MED12L: variants seen among roughly 807,000 people sequenced by gnomAD.
The protein encoded by MED12L is mediator of RNA polymerase II transcription subunit 12-like protein.
In MED12L, 60 loss-of-function variants were observed where a neutral mutation model predicts 281.3. That is an observed-to-expected ratio of 0.21 (90% CI 0.17 to 0.26). MED12L has a LOEUF of 0.26. MED12L is among the 10% of genes least tolerant of loss of function. The pLI is 1.00. For synonymous variants in MED12L, 974 were observed against 987.2 expected (o/e 0.99, Z 0.25); for missense variants, 2,146 against 2,680.9 (o/e 0.80, Z 4.41).
chr3:151,369,311 A>G, intron 25 of MED12L, 125 bp from the exon 26 acceptor site: 6 of 560,762 alleles, frequency 1.1e-5, no homozygotes, highest in South Asian at 2.9e-5. Context: ...TGAAGCATCA[A>G]TTAAAGCAAG....
intron 43 of MED12L, among the ~76,000 whole-genome samples, chr3:151,417,487 C>CTTTTTT (rs56128844): frequency 3.8e-5 from 3 of 78,816 alleles, no homozygotes; most frequent in African/African-American, 1.5e-4. Flanking sequence ...CCCCCCCCGC[C>CTTTTTT]TTTTTTTTTT....
At chr3:151,317,893 A>G (rs939719747) in intron 16 of MED12L, among the ~76,000 whole-genome samples, 4 of 150,682 alleles carry the variant, frequency 2.7e-5, no homozygotes, top group East Asian at 3.8e-4. Flanking sequence ...GTGGATGAAG[A>G]TAAATGAAAA....
At chr3:151,389,926 T>G in intron 37 of MED12L, 53 bp from the exon 38 acceptor site, 3 of 1,575,008 alleles carry the variant, frequency 1.9e-6, no homozygotes, top group Non-Finnish European at 2.6e-6. Flanking sequence ...TTGCATTAAT[T>G]AGCTGTGTGA....
chr3:151,152,903 C>T (rs1718746713), intron 5 of MED12L, among the ~76,000 whole-genome samples: 1 of 152,204 alleles, frequency 6.6e-6, no homozygotes, highest in South Asian at 2.1e-4. Context: ...TTGGTGTGCT[C>T]TGTATTTGCC....
Position 151,320,858 on chromosome 3 carries a change from T to G in MED12L, c.2251-29201T>G, listed in dbSNP as rs111958274. On this transcript the variant is annotated intron_variant, in intron 16 of 44. Coordinates refer to ENST00000687756, the MANE Select transcript of MED12L (RefSeq NM_001393769.1). ...GTCAGGTAAACTCCAATTTGGAACA[T>G]CTCCACTTAGCAGCTTTTTTTACTT... is the stretch of plus-strand genomic sequence containing the variant. 6.8e-3 allele frequency among the ~76,000 whole-genome samples: 1,042 copies of G among 152,300 alleles called. 10 individuals carry two copies. The highest frequency in any genetic ancestry group is 0.024 in the South Asian group (115 of 4,828).
At chr3:151,215,977 C>G (rs1252523793) in intron 16 of MED12L, among the ~76,000 whole-genome samples, 1 of 152,194 alleles carries the variant, frequency 6.6e-6, no homozygotes, top group Non-Finnish European at 1.5e-5. Flanking sequence ...AAGGCCTCAG[C>G]TTAGCTGTCA....
intron 16 of MED12L, among the ~76,000 whole-genome samples, chr3:151,283,927 C>T (rs893007764): frequency 1.3e-5 from 2 of 152,134 alleles, no homozygotes; most frequent in East Asian, 1.9e-4. Context: ...CAACTTAGGA[C>T]AGGTAACTAA....
chr3:151,126,150 G>A (rs372128005), intron 4 of MED12L, among the ~76,000 whole-genome samples: 424 of 150,774 alleles, frequency 2.8e-3, no homozygotes, highest in African/African-American at 9.8e-3. Context: ...CCAGGCTCAA[G>A]CAATTCTCCC....
intron 16 of MED12L, among the ~76,000 whole-genome samples, chr3:151,237,354 T>TTC (rs1029060868): frequency 7.8e-6 from 1 of 128,676 alleles, no homozygotes; most frequent in African/African-American, 3.3e-5. Flanking sequence ...TTTTTTCTTT[T>TTC]TTTTTTTTTT....
chr3:151,145,891 C>T (rs1179146082), intron 5 of MED12L, among the ~76,000 whole-genome samples: 1 of 152,212 alleles, frequency 6.6e-6, no homozygotes, highest in Admixed American at 6.5e-5. Flanking sequence ...AAAGGTGTCG[C>T]ACCTGCCTCT....
At chr3:151,358,029 G>T (rs1310394905) in intron 20 of MED12L, among the ~76,000 whole-genome samples, 3 of 152,092 alleles carry the variant, frequency 2.0e-5, no homozygotes, top group African/African-American at 7.2e-5. Flanking sequence ...AACACAGAAA[G>T]ACAACCTGTT....
At position 151,242,825 on chromosome 3, in the gene MED12L, G is replaced by A. The variant is rs577295427; in HGVS notation, c.2250+49159G>A. Among the ~76,000 whole-genome samples the A allele has an allele frequency of 5.3e-3, 795 of 151,118 alleles. 11 individuals are homozygous for A. The highest frequency in any genetic ancestry group is 0.018 in the African/African-American group (726 of 41,190). On this transcript the variant is annotated intron_variant, in intron 16 of 44. Coordinates refer to ENST00000687756, the MANE Select transcript of MED12L (RefSeq NM_001393769.1). ...AGACGATCAAATTACTCTGAGCTAC[G>A]GGAGGACATTCAAACCAAAGGCAAA...
intron 11 of MED12L, among the ~76,000 whole-genome samples, chr3:151,168,611 T>C (rs1721015125): frequency 6.6e-6 from 1 of 152,216 alleles, no homozygotes; most frequent in African/African-American, 2.4e-5. Context: ...GAAAACTACG[T>C]TTTCAACCCA....
chr3:151,323,896 T>TA (rs1749278629), intron 16 of MED12L, among the ~76,000 whole-genome samples: 1 of 152,234 alleles, frequency 6.6e-6, no homozygotes, highest in Non-Finnish European at 1.5e-5. Flanking sequence ...TAGGTGCCAC[T>TA]ATTGCACCAT....
At position 151,436,488 on chromosome 3, in the gene MED12L, GT is replaced by G; in HGVS notation, c.*3687del. ...AAAATAAAAGTGCCTTAAGTTAAAA[GT>G]TTGTTTTGAGATCCATTAAATAAAT... is the stretch of plus-strand genomic sequence containing the variant. On this transcript the variant is annotated 3_prime_UTR_variant, in exon 45 of 45. Coordinates refer to ENST00000687756, the MANE Select transcript of MED12L (RefSeq NM_001393769.1). 2.2e-6 allele frequency: 1 copy of G among 450,020 alleles called. No individual in the cohort carries two copies. The highest frequency in any genetic ancestry group is 3.5e-5 in the East Asian group (1 of 28,406). The allele number at this position is 450,020 out of a possible 1,614,324, so 27.9% of individuals were successfully genotyped here.
rs753331828 is a variant in MED12L at position 151,409,271 on chromosome 3, T to C, written c.5849T>C (p.Phe1950Ser). Residue 1950 changes from phenylalanine (F) to serine (S), a missense_variant, in exon 40 of 45, where the codon TTT becomes TCT. Phe to Ser is a radical substitution (Grantham distance 155). Coordinates refer to ENST00000687756, the MANE Select transcript of MED12L (RefSeq NM_001393769.1). ...CAGCCGGGGGACCAGGCTGCTCTCT[T>C]TGCTGCGCAAGCACGGCCCTCCCCT... Reference protein sequence around the residue: ...QGQPGDQAALFAAQARPSPQL... With the variant: ...QGQPGDQAALSAAQARPSPQL... 2 of 1,610,854 alleles carry C rather than the reference T, an allele frequency of 1.2e-6. No homozygotes were observed. The highest frequency in any genetic ancestry group is 1.7e-5 in the Admixed American group (1 of 59,070).
chr3:151,302,893 C>T (rs1458799108), intron 16 of MED12L, among the ~76,000 whole-genome samples: 3 of 152,132 alleles, frequency 2.0e-5, no homozygotes, highest in African/African-American at 7.2e-5. Context: ...CAGAAATAGA[C>T]CATTTCAATA....
chr3:151,335,996 G>C (rs7622010), intron 16 of MED12L, among the ~76,000 whole-genome samples: 125,004 of 152,094 alleles, frequency 0.82, 51,645 homozygotes, highest in African/African-American at 0.91. Flanking sequence ...TGTAGTCTCC[G>C]AACATCTGAC....
intron 20 of MED12L, among the ~76,000 whole-genome samples, chr3:151,357,978 C>T (rs941824411): frequency 3.9e-5 from 6 of 152,156 alleles, no homozygotes; most frequent in Non-Finnish European, 7.4e-5. Context: ...CAAAAACTTA[C>T]ATAAGCTGCT....
Sources: allele counts gnomAD v4.1 joint callset (sites outside exome capture counted in the v4.1 genomes callset), GRCh38; gene constraint gnomAD v4.1.1; transcripts MANE v1.5; gene names NCBI Gene and HGNC (gene_info 2026-07-23, HGNC 2026-07-21).